GPD1L: variants seen among roughly 807,000 people sequenced by gnomAD.
GPD1L encodes glycerol-3-phosphate dehydrogenase 1 like.
Under a neutral mutation model 32.9 loss-of-function variants are expected in GPD1L, and 17 were observed. The observed-to-expected ratio is 0.52, with a 90% CI of 0.35 to 0.78. The LOEUF is 0.78. Ranked by LOEUF, GPD1L falls within the 30% of genes least tolerant of loss-of-function variation. GPD1L has a pLI of 0.01. For synonymous variants in GPD1L, 187 were observed against 165.9 expected, an observed-to-expected ratio of 1.13 and a Z score of -0.98; for missense variants, 361 against 447.8, an observed-to-expected ratio of 0.81 and a Z score of 1.75.
rs114826192 is a variant in GPD1L, at chr3:32,135,357, A to C, written c.226-3230A>C. ...AAGGCCGTGGGAAGATGGGTGGGAC[A>C]CAGGCAAACACATGAGAACAAAACA... is the stretch of plus-strand genomic sequence containing the variant. On this transcript the variant is annotated intron_variant, in intron 2 of 7. Transcript: ENST00000282541. 5.9e-3 allele frequency among the ~76,000 whole-genome samples: 893 copies of C among 152,352 alleles called. 11 individuals carry two copies. Among genetic ancestry groups the C allele is most frequent in the African/African-American group, 0.02 (820 of 41,578 alleles).
At chr3:32,118,506 G>T (rs1295961759) in intron 1 of GPD1L, among the ~76,000 whole-genome samples, 1 of 151,978 alleles carries the variant, frequency 6.6e-6, no homozygotes, top group East Asian at 1.9e-4. Context: ...CTTTTAATAG[G>T]ATCTGACCAT....
chr3:32,149,207 A>G (rs1328517177), intron 5 of GPD1L, among the ~76,000 whole-genome samples: 6 of 152,108 alleles, frequency 3.9e-5, no homozygotes, highest in African/African-American at 1.2e-4. Context: ...CTACAGGCAC[A>G]TGCTGCCATG....
At chr3:32,151,443 C>T (rs755485370) in intron 5 of GPD1L, 21 of 503,294 alleles carry the variant, frequency 4.2e-5, no homozygotes, top group African/African-American at 1.2e-4. Context: ...TCTACAATAT[C>T]ATCTTTTTTT....
At chr3:32,119,612 C>G (rs1252553029) in intron 1 of GPD1L, among the ~76,000 whole-genome samples, 2 of 152,184 alleles carry the variant, frequency 1.3e-5, no homozygotes, top group Non-Finnish European at 2.9e-5. Flanking sequence ...ACATTTGCAT[C>G]TAATACTCTG....
At chr3:32,129,337 C>A (rs142425610) in intron 2 of GPD1L, among the ~76,000 whole-genome samples, 1 of 152,312 alleles carries the variant, frequency 6.6e-6, no homozygotes, top group Non-Finnish European at 1.5e-5. Flanking sequence ...TGTTGCTTTC[C>A]TCAAGGAACT....
At chr3:32,151,430 A>G in intron 5 of GPD1L, 2 of 589,406 alleles carry the variant, frequency 3.4e-6, no homozygotes, top group Non-Finnish European at 6.0e-6. Flanking sequence ...CATTCCCCTG[A>G]TGTCTACAAT....
rs181353170 is a variant in GPD1L, at chr3:32,157,057, C to T, written c.619-1819C>T. Among the ~76,000 whole-genome samples, 291 of 152,212 alleles carry T rather than the reference C, an allele frequency of 1.9e-3. 1 individual carries two copies. Among genetic ancestry groups the T allele is most frequent in the Admixed American group, 3.4e-3 (52 of 15,294 alleles). ...TGGAAAAGTGGAAGGGGCCAGGAAC[C>T]TAGGGGCTCAACTGAAGTTCCAACT... On this transcript the variant is annotated intron_variant, in intron 5 of 7. Coordinates refer to ENST00000282541, the MANE Select transcript of GPD1L (RefSeq NM_015141.4).
chr3:32,109,411 G>A (rs17028867), intron 1 of GPD1L, among the ~76,000 whole-genome samples: 63,085 of 152,042 alleles, frequency 0.41, 14,924 homozygotes, highest in East Asian at 0.64. Flanking sequence ...CTGCCTGCCC[G>A]TGGCTTCTTC....
rs75809296 is a variant in GPD1L at position 32,122,736 on chromosome 3, C to T, written c.48-5340C>T. ...GACCCACCTGGAGGCCATACCTGGT[C>T]GTAGGATGCAAGGTGAACATGACTG... On this transcript the variant is annotated intron_variant, in intron 1 of 7. Transcript: ENST00000282541. Among the ~76,000 whole-genome samples, 3,473 of 152,200 alleles carry T rather than the reference C, an allele frequency of 0.023. 271 individuals carry two copies. In the East Asian group the frequency reaches 0.24, roughly 10 times the overall value.
chr3:32,139,779 TA>T (rs1344900329), intron 3 of GPD1L, among the ~76,000 whole-genome samples: 1 of 152,222 alleles, frequency 6.6e-6, no homozygotes, highest in Non-Finnish European at 1.5e-5. Flanking sequence ...AGTGAATCTC[TA>T]AAACGGTATT....
chr3:32,116,756 C>A (rs1182141516), intron 1 of GPD1L, among the ~76,000 whole-genome samples: 1 of 152,212 alleles, frequency 6.6e-6, no homozygotes, highest in African/African-American at 2.4e-5. Flanking sequence ...ACAGCCAGCT[C>A]ATGCTCAGCT....
At chr3:32,146,859 T>C in intron 5 of GPD1L, 125 bp downstream of exon 5, 3 of 746,332 alleles carry the variant, frequency 4.0e-6, no homozygotes, top group South Asian at 1.4e-5. Flanking sequence ...GAATTGAGAG[T>C]CTTGTTTATA....
chr3:32,109,199 C>T (rs1245007962), intron 1 of GPD1L, among the ~76,000 whole-genome samples: 2 of 152,258 alleles, frequency 1.3e-5, no homozygotes, highest in East Asian at 3.9e-4. Flanking sequence ...GTCAGCTCCC[C>T]TGTTGGCCAT....
chr3:32,129,141 A>G (rs1700553579), intron 2 of GPD1L, among the ~76,000 whole-genome samples: 2 of 152,172 alleles, frequency 1.3e-5, no homozygotes, highest in African/African-American at 4.8e-5. Flanking sequence ...GTGGCTTTCT[A>G]TCATAATCTC....
intron 1 of GPD1L, among the ~76,000 whole-genome samples, chr3:32,124,393 A>G (rs1700474638): frequency 6.6e-6 from 1 of 152,158 alleles, no homozygotes; most frequent in African/African-American, 2.4e-5. Context: ...TGTGCCACTT[A>G]TAAGTAGACT....
rs551128901 is a variant in GPD1L, at chr3:32,140,251, G to C, written c.390G>C (p.Gly130=). 1 of 1,614,052 alleles carries C rather than the reference G, an allele frequency of 6.2e-7. No individual in the cohort carries two copies. Among genetic ancestry groups the C allele is most frequent in the South Asian group, 1.1e-5 (1 of 91,068 alleles). ...LIKGIDEGPE[G]LKLISDIIRE... is the part of the protein sequence containing the mutation. ...AGGGCATAGACGAGGGCCCCGAGGG[G>C]CTGAAGCTCATTTCTGACATCATCC... Residue 130 remains glycine, a synonymous_variant, in exon 4 of 8, where the codon GGG becomes GGC. Transcript: ENST00000282541.
chr3:32,140,530 T>G (rs1171064029), intron 4 of GPD1L, among the ~76,000 whole-genome samples, 164 bp downstream of exon 4: 2 of 152,226 alleles, frequency 1.3e-5, no homozygotes, highest in Non-Finnish European at 2.9e-5. Flanking sequence ...GAGGCTATTT[T>G]GTGGAACTGA....
At chr3:32,156,282 A>G (rs1487693763) in intron 5 of GPD1L, among the ~76,000 whole-genome samples, 1 of 152,226 alleles carries the variant, frequency 6.6e-6, no homozygotes. Context: ...AAGCTTTCGC[A>G]GGTTCAGGCA....
intron 7 of GPD1L, among the ~76,000 whole-genome samples, chr3:32,160,049 T>A (rs1416161870): frequency 1.6e-4 from 24 of 152,162 alleles, no homozygotes; most frequent in Admixed American, 1.6e-3. Context: ...TATTAAAATG[T>A]CAAGTCAGAA....
Sources: gnomAD v4.1 joint callset for allele counts (sites outside exome capture counted in the v4.1 genomes callset) on GRCh38, gnomAD v4.1.1 for gene constraint, MANE v1.5 for transcripts, NCBI Gene and HGNC (gene_info 2026-07-23, HGNC 2026-07-21) for gene names.